FILIP1L: variants seen among roughly 807,000 people sequenced by gnomAD.
FILIP1L encodes filamin A-interacting protein 1-like.
A neutral mutation model predicts 96.6 loss-of-function variants in FILIP1L; 55 were observed. The observed-to-expected ratio is 0.57, with a 90% CI of 0.46 to 0.71. FILIP1L has a LOEUF of 0.71. FILIP1L is among the 30% of genes least tolerant of loss of function. The pLI is 0.00. For missense variants in FILIP1L, 1,304 were observed against 1,321.2 expected (o/e 0.99, Z 0.20); for synonymous variants, 467 against 473.9 (o/e 0.99, Z 0.19).
intron 1 of FILIP1L, among the ~76,000 whole-genome samples, chr3:100,002,001 GGAAATGC>G (rs1340480581): frequency 2.0e-5 from 3 of 152,126 alleles, no homozygotes; most frequent in Non-Finnish European, 4.4e-5. Context: ...AAGCTTTGTT[GGAAATGC>G]CCCTCTCTGG....
chr3:100,020,241 AT>A (rs2064783152), intron 1 of FILIP1L, among the ~76,000 whole-genome samples: 1 of 152,064 alleles, frequency 6.6e-6, no homozygotes, highest in Non-Finnish European at 1.5e-5. Flanking sequence ...ATTCTTTGCA[AT>A]TTACTTCACT....
At chr3:99,869,396 G>C (rs1373901076) in intron 4 of FILIP1L, among the ~76,000 whole-genome samples, 1 of 152,186 alleles carries the variant, frequency 6.6e-6, no homozygotes, top group Non-Finnish European at 1.5e-5. Flanking sequence ...AAAGCCTCAA[G>C]AATAATATGC....
At chr3:99,997,870 A>G (rs1193682429) in intron 1 of FILIP1L, among the ~76,000 whole-genome samples, 1 of 152,264 alleles carries the variant, frequency 6.6e-6, no homozygotes, top group African/African-American at 2.4e-5. Context: ...ACCTTAATAA[A>G]ATGTAAACTA....
chr3:99,927,013 C>T (rs1178666178), intron 3 of FILIP1L, among the ~76,000 whole-genome samples: 1 of 152,208 alleles, frequency 6.6e-6, no homozygotes, highest in Non-Finnish European at 1.5e-5. Flanking sequence ...GGCCCTTCAC[C>T]ATCTGAACCT....
At chr3:100,077,233 C>G (rs2065864143) in intron 1 of FILIP1L, among the ~76,000 whole-genome samples, 1 of 152,224 alleles carries the variant, frequency 6.6e-6, no homozygotes, top group South Asian at 2.1e-4. Flanking sequence ...AACACACCAT[C>G]ATGCAGAAAC....
At chr3:99,920,255 C>T (rs1168448751) in intron 4 of FILIP1L, among the ~76,000 whole-genome samples, 6 of 151,876 alleles carry the variant, frequency 4.0e-5, no homozygotes, top group African/African-American at 1.5e-4. Flanking sequence ...CAAAAAAAAG[C>T]AACTCTTTTT....
At chr3:99,876,283 C>T (rs1176416156) in intron 4 of FILIP1L, 1 of 908,268 alleles carries the variant, frequency 1.1e-6, no homozygotes, top group Non-Finnish European at 1.3e-6. Flanking sequence ...ACCGCGGGAC[C>T]CTCGGCCGCG....
At chr3:99,888,964 A>C (rs1457144194) in intron 4 of FILIP1L, among the ~76,000 whole-genome samples, 1 of 152,138 alleles carries the variant, frequency 6.6e-6, no homozygotes, top group African/African-American at 2.4e-5. Flanking sequence ...CATTGATTAC[A>C]TTATATTCAG....
chr3:100,003,420 A>G (rs752147841), intron 1 of FILIP1L, among the ~76,000 whole-genome samples: 6 of 152,198 alleles, frequency 3.9e-5, no homozygotes, highest in African/African-American at 7.2e-5. Context: ...CAATGCACCT[A>G]GAATAAACCT....
At chr3:100,049,416 A>C (rs778859311) in intron 1 of FILIP1L, among the ~76,000 whole-genome samples, 1 of 152,178 alleles carries the variant, frequency 6.6e-6, no homozygotes, top group Non-Finnish European at 1.5e-5. Context: ...TCAGCATTAT[A>C]AGGGAGGTTA....
rs536207464 is a variant in FILIP1L, at chr3:100,013,762, T to C, written c.-10-82732A>G. Among the ~76,000 whole-genome samples, 4 of 152,356 alleles carry C rather than the reference T, an allele frequency of 2.6e-5. No homozygotes were observed. The East Asian group carries it at 7.7e-4, about 29-fold the overall frequency. ...TGCAATGTTTGATGTATGTATACCT[T>C]GTGAAATGATTAAATCCAGCTAATC... On this transcript the variant is annotated intron_variant, in intron 1 of 5. Coordinates refer to ENST00000477258, the MANE Select transcript of FILIP1L (RefSeq NM_001387850.1).
chr3:99,919,172 T>A (rs1345565607), intron 4 of FILIP1L, among the ~76,000 whole-genome samples: 1 of 152,168 alleles, frequency 6.6e-6, no homozygotes, highest in Non-Finnish European at 1.5e-5. Flanking sequence ...TATTGAATTC[T>A]CTAGTAAAAT....
intron 4 of FILIP1L, among the ~76,000 whole-genome samples, chr3:99,895,353 T>G (rs886323956): frequency 2.6e-5 from 4 of 152,074 alleles, no homozygotes; most frequent in Admixed American, 6.5e-5. Context: ...TCTCATATAT[T>G]TAGTGAGCTT....
At chr3:100,047,535 G>T (rs1037015076) in intron 1 of FILIP1L, among the ~76,000 whole-genome samples, 1 of 152,176 alleles carries the variant, frequency 6.6e-6, no homozygotes, top group African/African-American at 2.4e-5. Context: ...TACTGACTGC[G>T]AATGATTAAG....
chr3:99,872,279 G>C (rs1250329238), intron 4 of FILIP1L, among the ~76,000 whole-genome samples: 1 of 117,424 alleles, frequency 8.5e-6, no homozygotes, highest in African/African-American at 3.6e-5. Flanking sequence ...CTGTGTGTGT[G>C]TGTGTGTGTG....
intron 1 of FILIP1L, among the ~76,000 whole-genome samples, chr3:100,039,445 A>G (rs1283853004): frequency 6.6e-6 from 1 of 152,200 alleles, no homozygotes; most frequent in East Asian, 1.9e-4. Flanking sequence ...GAGTTCTACA[A>G]AAATACCAAC....
At chr3:99,968,126 C>G (rs913501537) in intron 1 of FILIP1L, among the ~76,000 whole-genome samples, 1 of 152,110 alleles carries the variant, frequency 6.6e-6, no homozygotes, top group African/African-American at 2.4e-5. Context: ...GGGCACCTAG[C>G]CTTACGTGGC....
At chr3:100,061,550 T>C (rs972817051) in intron 1 of FILIP1L, among the ~76,000 whole-genome samples, 1 of 152,212 alleles carries the variant, frequency 6.6e-6, no homozygotes, top group African/African-American at 2.4e-5. Flanking sequence ...AGAAAGAAGA[T>C]GGAACTTTTT....
chr3:100,092,447 C>T (rs2066127079), intron 1 of FILIP1L, among the ~76,000 whole-genome samples: 1 of 151,348 alleles, frequency 6.6e-6, no homozygotes, highest in Non-Finnish European at 1.5e-5. Context: ...ATGGAAAAGC[C>T]AATATGAATG....
Sources: allele counts gnomAD v4.1 joint callset (sites outside exome capture counted in the v4.1 genomes callset), GRCh38; gene constraint gnomAD v4.1.1; transcripts MANE v1.5; gene names NCBI Gene and HGNC (gene_info 2026-07-23, HGNC 2026-07-21).